Variants in BNC2 observed in about 807,000 individuals in gnomAD.
The protein encoded by BNC2 is zinc finger protein basonuclin-2.
Under a neutral mutation model 76.3 loss-of-function variants are expected in BNC2, and 20 were observed. The ratio of observed to expected loss-of-function variants is 0.26; its 90% CI spans 0.18 to 0.38. The LOEUF (loss-of-function observed/expected upper bound fraction) is 0.38. BNC2 is among the 10% of genes least tolerant of loss of function. BNC2 has a pLI of 1.00. For missense variants in BNC2, 1,382 were observed against 1,399.8 expected, an observed-to-expected ratio of 0.99 and a Z score of 0.20; for synonymous variants, 582 against 514.8, an observed-to-expected ratio of 1.13 and a Z score of -1.77.
At chr9:16,550,769 A>T (rs114949022) in intron 5 of BNC2, among the ~76,000 whole-genome samples, 1 of 152,226 alleles carries the variant, frequency 6.6e-6, no homozygotes, top group Non-Finnish European at 1.5e-5. Context: ...GGTAATAAAG[A>T]TGGTACCAGA....
intron 3 of BNC2, among the ~76,000 whole-genome samples, chr9:16,616,115 G>A (rs1055927345): frequency 3.3e-5 from 5 of 152,212 alleles, no homozygotes. Flanking sequence ...GGCCAGGCAT[G>A]GTAGCTCACA....
chr9:16,690,347 A>G (rs747024643), intron 3 of BNC2, among the ~76,000 whole-genome samples: 2 of 152,142 alleles, frequency 1.3e-5, no homozygotes, highest in Non-Finnish European at 2.9e-5. Context: ...GTGTGGTGAC[A>G]TGTGCCTGTA....
intron 1 of BNC2, among the ~76,000 whole-genome samples, chr9:16,753,361 G>A (rs1047266604): frequency 1.3e-5 from 2 of 152,108 alleles, no homozygotes; most frequent in Non-Finnish European, 2.9e-5. Flanking sequence ...GTAAATCTTT[G>A]TAATGACATA....
intron 6 of BNC2, among the ~76,000 whole-genome samples, chr9:16,430,518 G>C (rs1278452108): frequency 2.0e-5 from 3 of 152,136 alleles, no homozygotes; most frequent in Non-Finnish European, 4.4e-5. Flanking sequence ...CAAACATAGA[G>C]AATGATGGAA....
At chr9:16,473,243 T>G (rs891665477) in intron 5 of BNC2, 1 of 152,178 alleles carries the variant, frequency 6.6e-6, no homozygotes, top group Admixed American at 6.5e-5. Flanking sequence ...GTCAGAAGAA[T>G]TCAGATTCTT....
intron 4 of BNC2, among the ~76,000 whole-genome samples, chr9:16,581,666 T>A (rs1432742323): frequency 1.3e-5 from 2 of 152,198 alleles, no homozygotes; most frequent in East Asian, 1.9e-4. Flanking sequence ...CCACCCAGCC[T>A]GTGGCATTTT....
chr9:16,797,257 T>A (rs1817680109), intron 1 of BNC2, among the ~76,000 whole-genome samples: 2 of 152,180 alleles, frequency 1.3e-5, no homozygotes, highest in South Asian at 4.1e-4. Flanking sequence ...AAGTCCACAC[T>A]TGGCTCTAAT....
At chr9:16,539,088 T>C (rs1055351486) in intron 5 of BNC2, among the ~76,000 whole-genome samples, 3 of 151,852 alleles carry the variant, frequency 2.0e-5, no homozygotes, top group South Asian at 2.1e-4. Context: ...TTCCACTAAA[T>C]TGAAAGCTGT....
chr9:16,699,526 T>C (rs558787237), intron 3 of BNC2, among the ~76,000 whole-genome samples: 6 of 152,286 alleles, frequency 3.9e-5, no homozygotes, highest in South Asian at 4.1e-4. Context: ...AAACTAGTAA[T>C]TGAAAAGGCC....
At chr9:16,773,682 A>C (rs745946039) in intron 1 of BNC2, among the ~76,000 whole-genome samples, 3 of 152,176 alleles carry the variant, frequency 2.0e-5, no homozygotes, top group Non-Finnish European at 4.4e-5. Context: ...AAGTCTTAAC[A>C]TGAGAGCCCA....
At chr9:16,549,811 G>A (rs887536164) in intron 5 of BNC2, among the ~76,000 whole-genome samples, 1 of 151,794 alleles carries the variant, frequency 6.6e-6, no homozygotes, top group African/African-American at 2.4e-5. Context: ...GATTATAAAT[G>A]CTGAATGACA....
At chr9:16,649,468 C>T (rs1361866290) in intron 3 of BNC2, among the ~76,000 whole-genome samples, 14 of 152,110 alleles carry the variant, frequency 9.2e-5, no homozygotes, top group Admixed American at 9.2e-4. Flanking sequence ...TATCACTAAA[C>T]TCAGAGGAAA....
intron 3 of BNC2, among the ~76,000 whole-genome samples, chr9:16,621,732 C>T (rs968765241): frequency 2.0e-5 from 3 of 151,960 alleles, no homozygotes; most frequent in Non-Finnish European, 2.9e-5. Context: ...GTATTGACCA[C>T]GTGAAATGTG....
chr9:16,427,363 A>T (rs754242658), intron 6 of BNC2, among the ~76,000 whole-genome samples: 14 of 152,296 alleles, frequency 9.2e-5, no homozygotes, highest in South Asian at 2.1e-4. Context: ...AATGTGGATG[A>T]TTACTGATAT....
At chr9:16,559,838 G>C (rs7018594) in intron 4 of BNC2, among the ~76,000 whole-genome samples, 1 of 152,136 alleles carries the variant, frequency 6.6e-6, no homozygotes, top group Non-Finnish European at 1.5e-5. Context: ...TCTGAGGTAC[G>C]TGCTGTATGC....
intron 5 of BNC2, among the ~76,000 whole-genome samples, chr9:16,440,766 T>C (rs1247842265): frequency 1.3e-5 from 2 of 152,236 alleles, no homozygotes; most frequent in East Asian, 3.8e-4. Flanking sequence ...TAGCGCTTAG[T>C]TGCTGTCTCT....
chr9:16,832,559 T>C (rs1265997718), intron 1 of BNC2, among the ~76,000 whole-genome samples: 1 of 152,160 alleles, frequency 6.6e-6, no homozygotes, highest in East Asian at 1.9e-4. Flanking sequence ...CCAAGTTCTA[T>C]AATAAACACA....
chr9:16,703,303 A>G (rs1823569479), intron 3 of BNC2, among the ~76,000 whole-genome samples: 1 of 152,164 alleles, frequency 6.6e-6, no homozygotes, highest in African/African-American at 2.4e-5. Flanking sequence ...TAGTATTTAA[A>G]TAAAATAATT....
intron 1 of BNC2, among the ~76,000 whole-genome samples, chr9:16,843,490 C>T (rs1314218603): frequency 6.6e-6 from 1 of 152,178 alleles, no homozygotes; most frequent in African/African-American, 2.4e-5. Flanking sequence ...CACACTACCA[C>T]ACCCAGCTAA....
Sources: gnomAD v4.1 joint callset for allele counts (sites outside exome capture counted in the v4.1 genomes callset) on GRCh38, gnomAD v4.1.1 for gene constraint, MANE v1.5 for transcripts, NCBI Gene and HGNC (gene_info 2026-07-23, HGNC 2026-07-21) for gene names.